NMBR: variants seen among roughly 807,000 people sequenced by gnomAD.
The protein encoded by NMBR is neuromedin-B receptor.
A neutral mutation model predicts 20.5 loss-of-function variants in NMBR; 16 were observed. The observed-to-expected ratio is 0.78, with a 90% confidence interval of 0.53 to 1.19. The LOEUF (loss-of-function observed/expected upper bound fraction) is 1.19, where lower values mean the gene tolerates loss of function less well. Ranked by LOEUF, NMBR falls within the 50% of genes most tolerant of loss-of-function variation. The pLI, the probability that NMBR is intolerant of heterozygous loss-of-function variation, is 0.00. For missense variants in NMBR, 582 were observed against 499.1 expected (o/e 1.17, Z -1.58); for synonymous variants, 212 against 196.6 (o/e 1.08, Z -0.65).
At chr6:142,118,520 T>C (rs1004550761) in intron 1 of NMBR, among the ~76,000 whole-genome samples, 3 of 152,042 alleles carry the variant, frequency 2.0e-5, no homozygotes, top group Admixed American at 2.0e-4. Flanking sequence ...CTATCATTTT[T>C]TGAATTTCAG....
At position 142,075,495 on chromosome 6, in the gene NMBR, A is replaced by C. The variant is rs916299215; in HGVS notation, c.*153T>G. On this transcript the variant is annotated 3_prime_UTR_variant, in exon 4 of 4. Coordinates refer to ENST00000258042, the MANE Select transcript of NMBR (RefSeq NM_002511.4). ...ATTAGGAAATGAAAAGAGAAAAAAT[A>C]AAGTCTAGTGTAGAGAAAAAATGTC... 3 of 606,224 alleles carry C rather than the reference A, an allele frequency of 4.9e-6. No individual in the cohort carries two copies. Among genetic ancestry groups the C allele is most frequent in the Non-Finnish European group, 8.3e-6 (3 of 359,362 alleles). 37.6% of individuals were successfully genotyped at this position (606,224 alleles called of 1,614,324 possible). A position where few individuals can be genotyped will look rare whatever the true frequency, so the allele number is the denominator to read the frequency against.
At chr6:142,081,684 T>C (rs780186391) in intron 2 of NMBR, among the ~76,000 whole-genome samples, 1 of 152,190 alleles carries the variant, frequency 6.6e-6, no homozygotes, top group Admixed American at 6.5e-5. Flanking sequence ...AAGCAAAAAA[T>C]AAAATGAGAT....
chr6:142,088,579 CT>C lies in NMBR; in HGVS notation c.79del (p.Arg27GlyfsTer15). On this transcript the variant is annotated frameshift_variant, in exon 2 of 4. Transcript: ENST00000258042. LOFTEE classifies it high-confidence loss of function. ...CCCGTCCGAGGCCGGCAGGAAATCC[CT>C]TTCCCACCCCTCGGGAACGGAACCG... ...ESGSVPEGWERDFLPASDGTT... is the reference protein window; with the variant it reads ...ESGSVPEGWEXDFLPASDGTT... 4 of 1,613,514 alleles carry C rather than the reference CT, an allele frequency of 2.5e-6. No individual in the cohort carries two copies. Among genetic ancestry groups the C allele is most frequent in the Non-Finnish European group, 3.4e-6 (4 of 1,180,012 alleles).
At position 142,143,186 on chromosome 6, in the gene NMBR, T is replaced by A. The variant is rs140006980; in HGVS notation, c.-664+3858A>T. Among the ~76,000 whole-genome samples, 674 of 152,262 alleles carry A rather than the reference T, an allele frequency of 4.4e-3. 3 individuals are homozygous for A. The highest frequency in any genetic ancestry group is 6.8e-3 in the Admixed American group (104 of 15,304). ...ATCATTTACAATGCAATAAAAAATA[T>A]GAAATGCATAGTGATAAATTTTTCA... is the stretch of plus-strand genomic sequence containing the variant. On this transcript the variant is annotated intron_variant, in intron 1 of 3. Coordinates refer to ENST00000258042, the MANE Select transcript of NMBR (RefSeq NM_002511.4).
At chr6:142,114,191 A>G (rs539500822) in intron 1 of NMBR, among the ~76,000 whole-genome samples, 97 of 152,296 alleles carry the variant, frequency 6.4e-4, no homozygotes, top group African/African-American at 2.1e-3. Flanking sequence ...GATTTGAATG[A>G]GCCCAGGTTG....
At chr6:142,079,653 G>A (rs1195009671) in intron 2 of NMBR, among the ~76,000 whole-genome samples, 2 of 151,920 alleles carry the variant, frequency 1.3e-5, no homozygotes, top group Non-Finnish European at 2.9e-5. Flanking sequence ...ATCTAGATTG[G>A]TCATACTACA....
At chr6:142,094,741 G>A (rs549335419) in intron 1 of NMBR, among the ~76,000 whole-genome samples, 1 of 152,212 alleles carries the variant, frequency 6.6e-6, no homozygotes, top group East Asian at 1.9e-4. Flanking sequence ...ATTACCTTGG[G>A]CAGTATGTCC....
At chr6:142,146,478 T>C (rs936177025) in intron 1 of NMBR, among the ~76,000 whole-genome samples, 37 of 152,044 alleles carry the variant, frequency 2.4e-4, no homozygotes, top group Non-Finnish European at 4.4e-5. Flanking sequence ...TCATTGAGGG[T>C]AGAAGGAAAA....
At position 142,095,839 on chromosome 6, in the gene NMBR, T is replaced by C. The variant is rs190774145; in HGVS notation, c.-663-6518A>G. On this transcript the variant is annotated intron_variant, in intron 1 of 3. Coordinates refer to ENST00000258042, the MANE Select transcript of NMBR (RefSeq NM_002511.4). ...TTGCCTCAATTTCAGAGCCTGTTATTGGTCTATTCAGAGATCCAACTTCTT... is the reference window on the plus strand; with the variant it reads ...TTGCCTCAATTTCAGAGCCTGTTATCGGTCTATTCAGAGATCCAACTTCTT... Among the ~76,000 whole-genome samples the C allele has an allele frequency of 2.5e-3, 378 of 152,320 alleles. 4 individuals are homozygous for C. Among genetic ancestry groups the C allele is most frequent in the Admixed American group, 5.6e-3 (86 of 15,306 alleles).
intron 1 of NMBR, among the ~76,000 whole-genome samples, chr6:142,090,384 C>T (rs1489510473): frequency 6.6e-6 from 1 of 151,644 alleles, no homozygotes; most frequent in Non-Finnish European, 1.5e-5. Flanking sequence ...ATATTGCCCA[C>T]CAAGAGCACT....
At chr6:142,113,458 G>C (rs1777805323) in intron 1 of NMBR, among the ~76,000 whole-genome samples, 1 of 151,998 alleles carries the variant, frequency 6.6e-6, no homozygotes. Flanking sequence ...CTGTTGGTGA[G>C]GTTTATAAAA....
At chr6:142,105,102 A>C (rs2114584199) in intron 1 of NMBR, among the ~76,000 whole-genome samples, 2 of 147,778 alleles carry the variant, frequency 1.4e-5, no homozygotes, top group South Asian at 4.4e-4. Flanking sequence ...GTACATTAAC[A>C]AGGGCGGGGG....
At chr6:142,142,001 C>A (rs1778370125) in intron 1 of NMBR, among the ~76,000 whole-genome samples, 1 of 152,044 alleles carries the variant, frequency 6.6e-6, no homozygotes, top group African/African-American at 2.4e-5. Flanking sequence ...AAATGAAAAT[C>A]ATCCATAAGA....
chr6:142,096,613 A>G (rs1279781846), intron 1 of NMBR, among the ~76,000 whole-genome samples: 1 of 152,170 alleles, frequency 6.6e-6, no homozygotes, highest in Admixed American at 6.5e-5. Context: ...ATTTTGGAAT[A>G]GGTGTGGTGT....
intron 3 of NMBR, among the ~76,000 whole-genome samples, chr6:142,077,193 G>A (rs1321463830): frequency 2.6e-5 from 4 of 152,336 alleles, no homozygotes; most frequent in Non-Finnish European, 5.9e-5. Flanking sequence ...CAAGTGCACA[G>A]GCAGGCTGTT....
chr6:142,141,573 C>T (rs1250726759), intron 1 of NMBR, among the ~76,000 whole-genome samples: 2 of 151,072 alleles, frequency 1.3e-5, no homozygotes, highest in Admixed American at 6.6e-5. Context: ...GTTGCGATCA[C>T]GACTCACTGC....
chr6:142,094,182 T>C lies in NMBR; in HGVS notation c.-663-4861A>G, dbSNP rs555578672. Among the ~76,000 whole-genome samples, 4 of 152,190 alleles carry C rather than the reference T, an allele frequency of 2.6e-5. No homozygotes were observed. In the South Asian group the frequency reaches 6.2e-4, roughly 24 times the overall value. ...AGATCCCATTTGTCAATTTTGGCTT[T>C]TGTTGCCATTGCTTTTGGTGTTTTA... On this transcript the variant is annotated intron_variant, in intron 1 of 3. Transcript: ENST00000258042.
intron 1 of NMBR, among the ~76,000 whole-genome samples, chr6:142,123,967 C>G (rs533179446): frequency 6.6e-6 from 1 of 151,834 alleles, no homozygotes; most frequent in East Asian, 1.9e-4. Context: ...GTGAAATTAA[C>G]ACGGTAACTA....
At position 142,095,548 on chromosome 6, in the gene NMBR, G is replaced by A. The variant is rs929779985; in HGVS notation, c.-663-6227C>T. Among the ~76,000 whole-genome samples, 7 of 152,060 alleles carry A rather than the reference G, an allele frequency of 4.6e-5. No individual in the cohort carries two copies. In the South Asian group the frequency reaches 1.0e-3, roughly 23 times the overall value. The stretch of plus-strand genomic sequence containing the variant: ...AGCTTTTTGATGTGCTGCTGGATTC[G>A]GTTTGCTAGTATTTCATTGAGGATT... On this transcript the variant is annotated intron_variant, in intron 1 of 3. Transcript: ENST00000258042.
Sources: gnomAD v4.1 joint callset for allele counts (sites outside exome capture counted in the v4.1 genomes callset) on GRCh38, gnomAD v4.1.1 for gene constraint, MANE v1.5 for transcripts, NCBI Gene and HGNC (gene_info 2026-07-23, HGNC 2026-07-21) for gene names.